Variants in SETX observed in about 807,000 individuals in gnomAD.
SETX encodes helicase senataxin.
Under a neutral mutation model 227.2 loss-of-function variants are expected in SETX, and 90 were observed. The ratio of observed to expected loss-of-function variants is 0.40; its 90% CI spans 0.33 to 0.47. The LOEUF (loss-of-function observed/expected upper bound fraction) is 0.47, where lower values mean the gene tolerates loss of function less well. Ranked by LOEUF, SETX falls within the 20% of genes least tolerant of loss-of-function variation. The pLI, the probability that SETX is intolerant of heterozygous loss-of-function variation, is 0.91. For missense variants in SETX, 3,052 were observed against 3,181.5 expected (o/e 0.96, Z 0.98); for synonymous variants, 1,210 against 1,113.2 (o/e 1.09, Z -1.73).
chr9:132,304,736 G>A (rs1034738538), intron 11 of SETX, among the ~76,000 whole-genome samples: 1 of 152,066 alleles, frequency 6.6e-6, no homozygotes, highest in Non-Finnish European at 1.5e-5. Flanking sequence ...AGTGGCTCGC[G>A]CCTGTAATTT....
At chr9:132,343,777 G>C (rs1225361086) in intron 4 of SETX, among the ~76,000 whole-genome samples, 1 of 152,070 alleles carries the variant, frequency 6.6e-6, no homozygotes, top group Non-Finnish European at 1.5e-5. Context: ...AAAACATCAG[G>C]CTTATATACT....
rs200224227 is a variant in SETX at position 132,332,940 on chromosome 9, TG to T, written c.839-1493del. On this transcript the variant is annotated intron_variant, in intron 7 of 25. Coordinates refer to ENST00000224140, the MANE Select transcript of SETX (RefSeq NM_015046.7). ...AAAGAAAAAAAAAAAAAAAGGTGTT[TG>T]TTTTTTTTTAAGATGGTTAAGGGAG... 2.8e-4 allele frequency among the ~76,000 whole-genome samples: 43 copies of T among 151,036 alleles called. No homozygotes were observed. In the East Asian group the frequency reaches 3.3e-3, roughly 12 times the overall value.
intron 15 of SETX, among the ~76,000 whole-genome samples, chr9:132,295,184 A>C (rs1264391360): frequency 2.6e-5 from 4 of 152,200 alleles, no homozygotes; most frequent in Non-Finnish European, 5.9e-5. Flanking sequence ...GCTCATTATT[A>C]TCTACATTCT....
intron 5 of SETX, among the ~76,000 whole-genome samples, chr9:132,337,901 T>C (rs1480040460): frequency 6.6e-6 from 1 of 152,042 alleles, no homozygotes. Flanking sequence ...AGCAGAGAAA[T>C]GGGACAGCAC....
chr9:132,261,795 AAAC>A lies in SETX; in HGVS notation c.*2441_*2443del, dbSNP rs1842422015. 6.5e-6 allele frequency: 1 copy of A among 154,970 alleles called. No individual in the cohort carries two copies. The highest frequency in any genetic ancestry group is 2.4e-5 in the African/African-American group (1 of 41,662). The allele number at this position is 154,970 out of a possible 1,614,324, so 9.6% of individuals were successfully genotyped here. A position where few individuals can be genotyped will look rare whatever the true frequency, so the allele number is the denominator to read the frequency against. On this transcript the variant is annotated 3_prime_UTR_variant, in exon 26 of 26. Coordinates refer to ENST00000224140, the MANE Select transcript of SETX (RefSeq NM_015046.7). ...AAGGCAAATTATATACAAAGAAACAAAACAAGCTTTTAAGTAGCACATATTCAT... is the reference window on the plus strand; with the variant it reads ...AAGGCAAATTATATACAAAGAAACAAAAGCTTTTAAGTAGCACATATTCAT...
In SETX at chr9:132,326,637, T is replaced by C. The variant is rs1356736826; in HGVS notation, c.4961A>G (p.Asn1654Ser). 3.1e-6 allele frequency: 5 copies of C among 1,614,108 alleles called. No individual in the cohort carries two copies. Among genetic ancestry groups the C allele is most frequent in the Non-Finnish European group, 4.2e-6 (5 of 1,180,046 alleles). ...IAQKPVGEMKNSCNVLHPQSP... is the reference protein window; with the variant it reads ...IAQKPVGEMKSSCNVLHPQSP... The stretch of plus-strand genomic sequence containing the variant: ...CTGAGGATGAAGAACATTGCACGAA[T>C]TCTTCATTTCACCAACTGGCTTCTG... The change falls in exon 10 of 26, where the codon AAT (asparagine) becomes AGT (serine). Residue 1654 changes from asparagine (N) to serine (S), a missense_variant. Coordinates refer to ENST00000224140, the MANE Select transcript of SETX (RefSeq NM_015046.7).
chr9:132,329,313 T>A lies in SETX; in HGVS notation c.2285A>T (p.Asn762Ile). The change falls in exon 10 of 26, where the codon AAT becomes ATT. Residue 762 changes from asparagine to isoleucine, a missense_variant. By Grantham distance (149) the Asn-to-Ile change is moderately radical. Coordinates refer to ENST00000224140, the MANE Select transcript of SETX (RefSeq NM_015046.7). Reference sequence around the variant, plus strand: ...ATCATCCTTTAAAGAGAAATCTTCATTCGATGTGGACACTTTTTCCAAAGC... The same window carrying A: ...ATCATCCTTTAAAGAGAAATCTTCAATCGATGTGGACACTTTTTCCAAAGC... ...TDALEKVSTS[N>I]EDFSLKDDAL... The A allele has an allele frequency of 6.2e-7, 1 of 1,613,858 alleles. No homozygotes were observed. The highest frequency in any genetic ancestry group is 8.5e-7 in the Non-Finnish European group (1 of 1,179,878).
In SETX at chr9:132,330,011, G is replaced by A; in HGVS notation, c.1587C>T (p.Asn529=). The A allele has an allele frequency of 6.2e-7, 1 of 1,614,212 alleles. No individual in the cohort carries two copies. The highest frequency in any genetic ancestry group is 8.5e-7 in the Non-Finnish European group (1 of 1,180,014). The part of the protein sequence containing the change: ...SSLSLHSMPS[N]SVQLAYVQLI... ...GCTGCACATAAGCAAGTTGTACAGA[G>A]TTAGATGGCATGGAATGCAATGACA... Residue 529 remains asparagine (N), a synonymous_variant, in exon 10 of 26, where the codon AAC becomes AAT. Transcript: ENST00000224140.
rs148438673 is a variant in SETX, at chr9:132,296,076, G to T, written c.5950-48C>A. On this transcript the variant is annotated intron_variant, in intron 14 of 25. Coordinates refer to ENST00000224140, the MANE Select transcript of SETX (RefSeq NM_015046.7). ...ACCAAACAAACACACAAAAAATATG[G>T]GTGAGCTCTATTACATAGCTTTAAA... is the stretch of plus-strand genomic sequence containing the variant. The T allele has an allele frequency of 4.7e-4, 761 of 1,606,384 alleles. 6 individuals carry two copies. In the African/African-American group the frequency reaches 8.9e-3, roughly 19 times the overall value.
rs150243754 is a variant in SETX, at chr9:132,290,531, C to T, written c.6107-1880G>A. 1.1e-3 allele frequency among the ~76,000 whole-genome samples: 167 copies of T among 145,232 alleles called. 4 individuals carry two copies. The East Asian group carries it at 0.032, about 28-fold the overall frequency. On this transcript the variant is annotated intron_variant, in intron 15 of 25. Transcript: ENST00000224140. ...TGGAGGTTGCGGTGAGCTGAAATCG[C>T]GCCACTGTACTCTGGCCTGGGAGAC...
intron 21 of SETX, among the ~76,000 whole-genome samples, chr9:132,277,789 CAAAAA>C (rs372125008): frequency 4.4e-5 from 3 of 68,098 alleles, no homozygotes; most frequent in East Asian, 5.1e-4. Context: ...ACCCTGTCTT[CAAAAA>C]AAAAAAAAAA....
rs1842536648 is a variant in SETX, at chr9:132,264,513, A to G, written c.7760T>C (p.Ile2587Thr). The G allele has an allele frequency of 6.2e-7, 1 of 1,613,852 alleles. No homozygotes were observed. Among genetic ancestry groups the G allele is most frequent in the Non-Finnish European group, 8.5e-7 (1 of 1,179,952 alleles). ...FPVVHQDLSH[I>T]QQPAAVVAAL... The stretch of plus-strand genomic sequence containing the variant: ...AGCCACTACAGCAGCGGGCTGCTGT[A>G]TATGGCTCAGGTCCTGGTGAACGAC... The change falls in exon 26 of 26, where the codon ATA becomes ACA. Residue 2587 changes from isoleucine (I) to threonine (T), a missense_variant. By Grantham distance (89) the Ile-to-Thr change is moderately conservative. This residue lies in a region of SETX where 294 missense variants were observed against 278.8 expected (regional missense o/e 1.05). Coordinates refer to ENST00000224140, the MANE Select transcript of SETX (RefSeq NM_015046.7).
At chr9:132,265,423 C>A (rs1044206680) in intron 25 of SETX, among the ~76,000 whole-genome samples, 1 of 151,902 alleles carries the variant, frequency 6.6e-6, no homozygotes, top group African/African-American at 2.4e-5. Context: ...GACGGGGTTT[C>A]ATCATGTTAG....
intron 15 of SETX, among the ~76,000 whole-genome samples, chr9:132,294,182 G>A (rs998887317): frequency 4.6e-5 from 7 of 152,162 alleles, no homozygotes; most frequent in African/African-American, 1.2e-4. Flanking sequence ...ACACTGCACA[G>A]GGACTGCTCT....
At chr9:132,274,029 T>C (rs1362409459) in intron 23 of SETX, among the ~76,000 whole-genome samples, 2 of 152,062 alleles carry the variant, frequency 1.3e-5, no homozygotes, top group Admixed American at 6.5e-5. Context: ...TTTTTGTATC[T>C]ACTGAGCTGA....
chr9:132,326,839 G>A lies in SETX; in HGVS notation c.4759C>T (p.Pro1587Ser), dbSNP rs916634082. The A allele has an allele frequency of 1.2e-5, 20 of 1,614,078 alleles. No homozygotes were observed. Among genetic ancestry groups the A allele is most frequent in the Non-Finnish European group, 1.4e-5 (17 of 1,180,048 alleles). The change falls in exon 10 of 26, where the codon CCT (proline) becomes TCT (serine). Residue 1587 changes from proline to serine, a missense_variant. Around this residue, in one of 10 missense-constraint regions of SETX, gnomAD observed 1,483 missense variants for 1,312.0 expected, o/e 1.13. Coordinates refer to ENST00000224140, the MANE Select transcript of SETX (RefSeq NM_015046.7). ...GTAGGTCTCAAAGGTTTAGATGCAG[G>A]AGGAGGCAAGCCAGGTTTACGAAAT... ...DVFRKPGLPP[P>S]ASKPLRPTTK...
chr9:132,320,460 G>C (rs1846248979), intron 10 of SETX, among the ~76,000 whole-genome samples: 1 of 152,048 alleles, frequency 6.6e-6, no homozygotes. Flanking sequence ...GACGCCTGAT[G>C]GCGGGCGCCT....
chr9:132,318,250 T>C (rs1004471330), intron 10 of SETX, among the ~76,000 whole-genome samples: 3 of 152,246 alleles, frequency 2.0e-5, no homozygotes, highest in African/African-American at 7.2e-5. Context: ...TTCATGTTTC[T>C]AGCATGCTCT....
chr9:132,278,437 C>CTTTTTTTTTTTT (rs67558000), intron 20 of SETX, among the ~76,000 whole-genome samples, 180 bp from the exon 21 acceptor site: 2 of 84,868 alleles, frequency 2.4e-5, no homozygotes, highest in East Asian at 2.7e-4. Flanking sequence ...TGCCATGAAT[C>CTTTTTTTTTTTT]TTTTTTTTTT....
Sources: gnomAD v4.1 joint callset for allele counts (sites outside exome capture counted in the v4.1 genomes callset) on GRCh38, gnomAD v4.1.1 for gene constraint, gnomAD v4.1.1 regional missense constraint, MANE v1.5 for transcripts, NCBI Gene and HGNC (gene_info 2026-07-23, HGNC 2026-07-21) for gene names.